KCNMA1: variants seen among roughly 807,000 people sequenced by gnomAD.
KCNMA1 encodes the protein Calcium-activated potassium channel subunit alpha-1.
In KCNMA1, 29 loss-of-function variants were observed where a neutral mutation model predicts 140.0. That is an observed-to-expected ratio of 0.21 (90% CI 0.15 to 0.28). KCNMA1 has a LOEUF of 0.28. Ranked by LOEUF, KCNMA1 falls within the 10% of genes least tolerant of loss-of-function variation. The probability of loss-of-function intolerance (pLI) is 1.00; values close to 1 mark genes in which losing one functional copy is unlikely to be tolerated. For synonymous variants in KCNMA1, 612 were observed against 611.9 expected (o/e 1.00, Z 0.00); for missense variants, 880 against 1,602.2 (o/e 0.55, Z 7.70).
At chr10:77,414,030 C>T (rs1308201847) in intron 1 of KCNMA1, among the ~76,000 whole-genome samples, 2 of 152,156 alleles carry the variant, frequency 1.3e-5, no homozygotes, top group African/African-American at 2.4e-5. Flanking sequence ...AGCACCCCTG[C>T]GCTGGGTGTG....
chr10:77,585,341 A>G (rs905206987), intron 1 of KCNMA1, among the ~76,000 whole-genome samples: 3 of 152,224 alleles, frequency 2.0e-5, no homozygotes, highest in Non-Finnish European at 2.9e-5. Context: ...ATATGAGGAC[A>G]AGCATGGTAC....
At chr10:77,582,568 T>G (rs2076170501) in intron 1 of KCNMA1, among the ~76,000 whole-genome samples, 1 of 152,208 alleles carries the variant, frequency 6.6e-6, no homozygotes, top group South Asian at 2.1e-4. Flanking sequence ...ATCCCAGAAC[T>G]TAAAGTAAAA....
At chr10:77,221,715 G>A (rs1428629695) in intron 3 of KCNMA1, among the ~76,000 whole-genome samples, 1 of 152,148 alleles carries the variant, frequency 6.6e-6, no homozygotes, top group African/African-American at 2.4e-5. Context: ...AATTGTGAGG[G>A]TAGGGTACTT....
At chr10:77,541,988 C>T (rs1288644961) in intron 1 of KCNMA1, among the ~76,000 whole-genome samples, 1 of 152,200 alleles carries the variant, frequency 6.6e-6, no homozygotes, top group South Asian at 2.1e-4. Flanking sequence ...AACCTTATCC[C>T]TTTGCAATGG....
intron 1 of KCNMA1, among the ~76,000 whole-genome samples, chr10:77,422,278 C>T (rs1405737281): frequency 6.6e-6 from 1 of 152,182 alleles, no homozygotes; most frequent in Non-Finnish European, 1.5e-5. Flanking sequence ...TAAGAAACTA[C>T]CCCAGCCCAG....
At chr10:76,947,035 G>A (rs1024730074) in intron 22 of KCNMA1, among the ~76,000 whole-genome samples, 1 of 152,124 alleles carries the variant, frequency 6.6e-6, no homozygotes, top group Non-Finnish European at 1.5e-5. Flanking sequence ...ATGAGTGAAC[G>A]TGTACAAGGG....
chr10:77,023,187 CT>C (rs1022059122), intron 16 of KCNMA1, among the ~76,000 whole-genome samples: 10 of 152,296 alleles, frequency 6.6e-5, no homozygotes, highest in Admixed American at 6.5e-4. Flanking sequence ...TAATGCATTC[CT>C]TTCTCCACCA....
intron 1 of KCNMA1, among the ~76,000 whole-genome samples, chr10:77,590,190 C>T (rs2078582474): frequency 6.6e-6 from 1 of 152,266 alleles, no homozygotes; most frequent in Non-Finnish European, 1.5e-5. Flanking sequence ...TCCAAGTCCC[C>T]ACCAGACTCA....
intron 1 of KCNMA1, among the ~76,000 whole-genome samples, chr10:77,555,754 A>G (rs2064147071): frequency 6.6e-6 from 1 of 152,148 alleles, no homozygotes; most frequent in Non-Finnish European, 1.5e-5. Context: ...TGAGAAGGGA[A>G]CAGTACAGAG....
In KCNMA1 at chr10:77,514,787, G is replaced by A. The variant is rs958521238; in HGVS notation, c.379-110764C>T. On this transcript the variant is annotated intron_variant, in intron 1 of 27. Transcript: ENST00000286628. ...GGCCCTGTACTTTCTCCTTGCACCT[G>A]TGGGCGCTCTGTGCTCAGCCTTTGA... Among the ~76,000 whole-genome samples the A allele has an allele frequency of 2.0e-5, 3 of 152,228 alleles. No individual in the cohort carries two copies. The East Asian group carries it at 5.8e-4, about 29-fold the overall frequency.
chr10:77,447,335 G>T (rs1316025980), intron 1 of KCNMA1, among the ~76,000 whole-genome samples: 1 of 152,154 alleles, frequency 6.6e-6, no homozygotes, highest in Non-Finnish European at 1.5e-5. Context: ...TCTCAGAGGT[G>T]GATTCCTAAT....
rs563172367 is a variant in KCNMA1, at chr10:76,871,949, C to T, written c.*5920G>A. On this transcript the variant is annotated 3_prime_UTR_variant, in exon 28 of 28. Coordinates refer to the KCNMA1 transcript ENST00000604624. ...AGAACCCATATTGTGCTCATTTCTC[C>T]CCCACTCACTCCTTGTACAAATATT... The T allele has an allele frequency of 3.9e-5, 6 of 152,240 alleles. No individual in the cohort carries two copies. The South Asian group carries it at 1.2e-3, about 32-fold the overall frequency. The allele number at this position is 152,240 out of a possible 1,614,324, so 9.4% of individuals were successfully genotyped here.
chr10:77,632,565 T>C (rs2093331950), intron 1 of KCNMA1, among the ~76,000 whole-genome samples: 1 of 152,196 alleles, frequency 6.6e-6, no homozygotes, highest in Non-Finnish European at 1.5e-5. Flanking sequence ...CTACCTCTGC[T>C]GCCCTGCCCT....
chr10:77,258,920 G>A (rs1472628144), intron 2 of KCNMA1, among the ~76,000 whole-genome samples: 1 of 152,052 alleles, frequency 6.6e-6, no homozygotes, highest in African/African-American at 2.4e-5. Flanking sequence ...CCGAGATAAC[G>A]CCACTGCACT....
downstream of KCNMA1, among the ~76,000 whole-genome samples, chr10:76,883,692 G>C (rs879133723): frequency 2.0e-5 from 3 of 147,288 alleles, no homozygotes. Flanking sequence ...TATTTTCAAA[G>C]AACTCTCACT....
In KCNMA1 at chr10:77,067,242, T is replaced by C. The variant is rs183698231; in HGVS notation, c.1749+5855A>G. ...TAACCCACTGAAGGCCTGAATAGAATAAAAAGGAGGAGTAAGGGAGAATTT... is the reference window on the plus strand; with the variant it reads ...TAACCCACTGAAGGCCTGAATAGAACAAAAAGGAGGAGTAAGGGAGAATTT... On this transcript the variant is annotated intron_variant, in intron 14 of 27. Coordinates refer to ENST00000286628, the MANE Select transcript of KCNMA1 (RefSeq NM_001161352.2). Among the ~76,000 whole-genome samples the C allele has an allele frequency of 4.5e-3, 687 of 152,228 alleles. 6 individuals are homozygous for C. Among genetic ancestry groups the C allele is most frequent in the African/African-American group, 0.016 (652 of 41,532 alleles).
At chr10:77,583,156 T>C (rs2076327946) in intron 1 of KCNMA1, among the ~76,000 whole-genome samples, 1 of 152,186 alleles carries the variant, frequency 6.6e-6, no homozygotes, top group South Asian at 2.1e-4. Context: ...GCCTGGCCCT[T>C]GTAGCTCTGC....
Position 76,886,934 on chromosome 10 carries a change from G to A in KCNMA1, c.*332C>T, listed in dbSNP as rs2037276941. ...CTTTTACATTAAATAAACTTGCTCTGCCTAACTGACGTTGATCACAAGTGC... is the reference window on the plus strand; with the variant it reads ...CTTTTACATTAAATAAACTTGCTCTACCTAACTGACGTTGATCACAAGTGC... On this transcript the variant is annotated 3_prime_UTR_variant, in exon 28 of 28. Coordinates refer to ENST00000286628, the MANE Select transcript of KCNMA1 (RefSeq NM_001161352.2). 8.4e-7 allele frequency: 1 copy of A among 1,184,476 alleles called. No individual in the cohort carries two copies. The highest frequency in any genetic ancestry group is 1.1e-6 in the Non-Finnish European group (1 of 944,316). 73.4% of individuals were successfully genotyped at this position (1,184,476 alleles called of 1,614,324 possible). A position where few individuals can be genotyped will look rare whatever the true frequency, so the allele number is the denominator to read the frequency against.
intron 3 of KCNMA1, among the ~76,000 whole-genome samples, chr10:77,216,804 T>G (rs1364605264): frequency 6.6e-6 from 1 of 152,178 alleles, no homozygotes; most frequent in Non-Finnish European, 1.5e-5. Flanking sequence ...TTTGACTCTG[T>G]GCACATCATT....
Sources: gnomAD v4.1 joint callset for allele counts (sites outside exome capture counted in the v4.1 genomes callset) on GRCh38, gnomAD v4.1.1 for gene constraint, MANE v1.5 for transcripts, NCBI Gene and HGNC (gene_info 2026-07-23, HGNC 2026-07-21) for gene names.